The following AMPD3 variants were observed in gnomAD, a reference collection of about 807,000 sequenced individuals.
The protein encoded by AMPD3 is AMP deaminase 3.
Under a neutral mutation model 82.3 loss-of-function variants are expected in AMPD3, and 57 were observed. That is an observed-to-expected ratio of 0.69 (90% CI 0.56 to 0.86). The LOEUF is 0.86. AMPD3 is among the 40% of genes least tolerant of loss of function. The probability of loss-of-function intolerance (pLI) is 0.00; values close to 1 mark genes in which losing one functional copy is unlikely to be tolerated. For synonymous variants in AMPD3, 381 were observed against 394.7 expected (o/e 0.97, Z 0.41); for missense variants, 870 against 1,003.8 (o/e 0.87, Z 1.80).
chr11:10,478,816 G>T (rs1032396754), intron 3 of AMPD3, 86 bp downstream of exon 3: 1 of 1,401,242 alleles, frequency 7.1e-7, no homozygotes, highest in African/African-American at 1.4e-5. Flanking sequence ...TCCCTCTGGA[G>T]CCTGGCCCTG....
In AMPD3 at chr11:10,501,463, C is replaced by T; in HGVS notation, c.1722-7C>T. 1.9e-6 allele frequency: 3 copies of T among 1,613,832 alleles called. No homozygotes were observed. The highest frequency in any genetic ancestry group is 1.7e-6 in the Non-Finnish European group (2 of 1,179,778). ...CCTTCCTGATTCGGAAACCCCTTCTCTTACAGGGAGCGCGGCCTGAGCACG... is the reference window on the plus strand; with the variant it reads ...CCTTCCTGATTCGGAAACCCCTTCTTTTACAGGGAGCGCGGCCTGAGCACG... On this transcript the variant is annotated splice_region_variant and splice_polypyrimidine_tract_variant and intron_variant, in intron 11 of 14. Coordinates refer to ENST00000396553, the MANE Select transcript of AMPD3 (RefSeq NM_001025389.2).
chr11:10,477,338 G>A (rs1227522903), intron 2 of AMPD3, among the ~76,000 whole-genome samples: 1 of 152,216 alleles, frequency 6.6e-6, no homozygotes, highest in Non-Finnish European at 1.5e-5. Context: ...AGGGCAGGTG[G>A]TCAGTTGGTT....
At chr11:10,488,517 T>C (rs7125606) in intron 6 of AMPD3, 606,705 of 774,014 alleles carry the variant, frequency 0.78, 238,124 homozygotes, top group East Asian at 0.86. Flanking sequence ...GCAAGCAGTG[T>C]GGTGTGGTTG....
intron 7 of AMPD3, 33 bp from the exon 8 acceptor site, chr11:10,494,866 C>A (rs748154436): frequency 2.0e-5 from 32 of 1,603,770 alleles, no homozygotes; most frequent in Non-Finnish European, 2.6e-5. Flanking sequence ...GGCTGCAGAA[C>A]GATGCGTTGA....
rs1848092621 is a variant in AMPD3 at position 10,456,337 on chromosome 11, G to A, written c.-6+889G>A. ...CTCAGCTGAGCCTCCTGGGTGGCAG[G>A]CAGCACCTCACCCGGGTGCATCACT... On this transcript the variant is annotated intron_variant, in intron 1 of 14. Transcript: ENST00000396553. This position sits in a 1 kb window ranked among gnomAD's most constrained non-coding sequence, Gnocchi z 4.3. 4 of 1,612,888 alleles carry A rather than the reference G, an allele frequency of 2.5e-6. No homozygotes were observed. The highest frequency in any genetic ancestry group is 3.4e-6 in the Non-Finnish European group (4 of 1,179,170).
chr11:10,479,671 T>C (rs1564846333), intron 3 of AMPD3, among the ~76,000 whole-genome samples: 3 of 152,246 alleles, frequency 2.0e-5, no homozygotes, highest in African/African-American at 7.2e-5. Flanking sequence ...CTACAATTAT[T>C]TATGCATACA....
upstream of AMPD3, chr11:10,450,832 C>G: frequency 8.4e-7 from 1 of 1,194,200 alleles, no homozygotes; most frequent in Non-Finnish European, 1.0e-6. Flanking sequence ...CCTCCCTCCT[C>G]CCGCGGGGCC....
rs1285607831 is a variant in AMPD3 at position 10,494,901 on chromosome 11, C to A, written c.1137C>A (p.Gly379=). 1.2e-6 allele frequency: 2 copies of A among 1,613,664 alleles called. No individual in the cohort carries two copies. Among genetic ancestry groups the A allele is most frequent in the Non-Finnish European group, 1.7e-6 (2 of 1,179,636 alleles). The change falls in exon 8 of 15, where the codon GGC becomes GGA. Residue 379 remains glycine, a splice_region_variant and synonymous_variant. Coordinates refer to ENST00000396553, the MANE Select transcript of AMPD3 (RefSeq NM_001025389.2). ...ATTGGTGTGGTCTCCCCCCTCAGGG[C>A]CGGCAGACATTCCACCGCTTTGACA... ...LTVDSLDVHA[G]RQTFHRFDKF...
At chr11:10,498,514 G>GT (rs1452132472) in intron 10 of AMPD3, 1 of 152,578 alleles carries the variant, frequency 6.6e-6, no homozygotes, top group African/African-American at 2.4e-5. Flanking sequence ...GAAAGTTCGG[G>GT]TGAAGTATGG....
intron 5 of AMPD3, 73 bp downstream of exon 5, chr11:10,485,112 C>T: frequency 7.0e-7 from 1 of 1,421,286 alleles, no homozygotes; most frequent in Non-Finnish European, 9.7e-7. Flanking sequence ...AGAAAGGCCT[C>T]ACCCCTCTGC....
chr11:10,466,394 T>G (rs1004548505), intron 2 of AMPD3, among the ~76,000 whole-genome samples: 1 of 151,960 alleles, frequency 6.6e-6, no homozygotes, highest in Non-Finnish European at 1.5e-5. Flanking sequence ...AGTAGGAGGT[T>G]TTACCCTCAC....
At position 10,505,587 on chromosome 11, in the gene AMPD3, C is replaced by T. The variant is rs1244510612; in HGVS notation, c.2128-121C>T. Reference sequence around the variant, plus strand: ...GTTCTGTGGGGATAAGATGTCCTGACCAAAGATCTGCTTCAGGGGGACTAG... The same window carrying T: ...GTTCTGTGGGGATAAGATGTCCTGATCAAAGATCTGCTTCAGGGGGACTAG... On this transcript the variant is annotated intron_variant, in intron 14 of 14. Coordinates refer to ENST00000396553, the MANE Select transcript of AMPD3 (RefSeq NM_001025389.2). The T allele has an allele frequency of 9.2e-6, 14 of 1,521,324 alleles. No homozygotes were observed. The South Asian group carries it at 1.3e-4, about 15-fold the overall frequency. 94.2% of individuals were successfully genotyped at this position (1,521,324 alleles called of 1,614,324 possible).
chr11:10,454,666 G>A (rs1848042375), upstream of AMPD3, among the ~76,000 whole-genome samples: 1 of 152,150 alleles, frequency 6.6e-6, no homozygotes, highest in Admixed American at 6.6e-5. Flanking sequence ...CTGGGATCCG[G>A]TTAAAGGTGC....
rs535509280 is a variant in AMPD3, at chr11:10,487,955, A to G, written c.939+591A>G. ...ACAAACCTGCACATCCTGCACATGT[A>G]TCCTGGAACTTAAAGCAAAATAAAT... On this transcript the variant is annotated intron_variant, in intron 6 of 14. Coordinates refer to ENST00000396553, the MANE Select transcript of AMPD3 (RefSeq NM_001025389.2). 2.6e-5 allele frequency among the ~76,000 whole-genome samples: 4 copies of G among 152,266 alleles called. No homozygotes were observed. The East Asian group carries it at 7.7e-4, about 29-fold the overall frequency.
At chr11:10,500,464 C>T in intron 11 of AMPD3, 1 of 569,600 alleles carries the variant, frequency 1.8e-6, no homozygotes, top group Non-Finnish European at 2.2e-6. Flanking sequence ...CAAACATGCC[C>T]ACCATAACAC....
chr11:10,506,348 T>G lies in AMPD3; in HGVS notation c.*464T>G, dbSNP rs376505732. ...GCTCCATTTCATAAAGGGGCTACTT[T>G]GAAGGAGTTAAGATGGAAGACTTCC... On this transcript the variant is annotated 3_prime_UTR_variant, in exon 15 of 15. Coordinates refer to ENST00000396553, the MANE Select transcript of AMPD3 (RefSeq NM_001025389.2). This position sits in a 1 kb window ranked among gnomAD's most constrained non-coding sequence, Gnocchi z 4.1. 5.0e-6 allele frequency: 1 copy of G among 200,322 alleles called. No homozygotes were observed. Among genetic ancestry groups the G allele is most frequent in the East Asian group, 1.3e-4 (1 of 7,810 alleles). The allele number at this position is 200,322 out of a possible 1,614,324, so 12.4% of individuals were successfully genotyped here. A position where few individuals can be genotyped will look rare whatever the true frequency, so the allele number is the denominator to read the frequency against.
intron 2 of AMPD3, among the ~76,000 whole-genome samples, chr11:10,464,616 G>GA (rs1332284975): frequency 6.6e-6 from 1 of 152,076 alleles, no homozygotes; most frequent in East Asian, 1.9e-4. Context: ...CTTCTTTCCT[G>GA]AAAAAAAGCT....
At chr11:10,462,083 A>T (rs1206443114) in intron 2 of AMPD3, among the ~76,000 whole-genome samples, 1 of 152,192 alleles carries the variant, frequency 6.6e-6, no homozygotes, top group Non-Finnish European at 1.5e-5. Context: ...TTACTAATGA[A>T]CACAGCTTAC....
At chr11:10,461,864 C>A in intron 2 of AMPD3, 124 bp downstream of exon 2, 1 of 921,894 alleles carries the variant, frequency 1.1e-6, no homozygotes, top group Non-Finnish European at 1.7e-6. Flanking sequence ...GTGTTGGTTC[C>A]TTAACCAAGA....
Sources: gnomAD v4.1 joint callset for allele counts (sites outside exome capture counted in the v4.1 genomes callset) on GRCh38, gnomAD v4.1.1 for gene constraint, Gnocchi (gnomAD v3.1) non-coding constraint, MANE v1.5 for transcripts, NCBI Gene and HGNC (gene_info 2026-07-23, HGNC 2026-07-21) for gene names.